The following EVI5 variants were observed in gnomAD, a reference collection of about 807,000 sequenced individuals.
EVI5 encodes ecotropic viral integration site 5 protein homolog.
In EVI5, 73 loss-of-function variants were observed where a neutral mutation model predicts 112.0. That is an observed-to-expected ratio of 0.65 (90% confidence interval 0.54 to 0.79). The LOEUF is 0.79. Among genes scored for constraint, EVI5 ranks in the 30% least tolerant of loss-of-function variants. The probability of loss-of-function intolerance (pLI) is 0.00; values close to 1 mark genes in which losing one functional copy is unlikely to be tolerated. For missense variants in EVI5, 900 were observed against 968.8 expected (o/e 0.93, Z 0.94); for synonymous variants, 305 against 319.9 (o/e 0.95, Z 0.50).
intron 19 of EVI5, among the ~76,000 whole-genome samples, chr1:92,554,111 A>T (rs1439471763): frequency 6.6e-6 from 1 of 152,234 alleles, no homozygotes; most frequent in Non-Finnish European, 1.5e-5. Context: ...CAGAATCTGA[A>T]TGTCAAGTTG....
intron 19 of EVI5, among the ~76,000 whole-genome samples, chr1:92,552,264 G>A (rs943432944): frequency 2.6e-5 from 4 of 151,956 alleles, no homozygotes; most frequent in African/African-American, 9.7e-5. Flanking sequence ...AAGACCCTAA[G>A]AAATATAAGG....
chr1:92,610,597 A>G (rs1245608039), intron 16 of EVI5, among the ~76,000 whole-genome samples: 2 of 152,206 alleles, frequency 1.3e-5, no homozygotes, highest in Non-Finnish European at 2.9e-5. Flanking sequence ...ACAAGTCACT[A>G]TCAAAAAAAA....
chr1:92,768,956 C>A (rs1331183698), intron 1 of EVI5, among the ~76,000 whole-genome samples: 1 of 152,120 alleles, frequency 6.6e-6, no homozygotes, highest in African/African-American at 2.4e-5. Flanking sequence ...CTCCCTTCCC[C>A]ATAGCTAAGC....
At position 92,707,626 on chromosome 1, in the gene EVI5, A is replaced by AATTC. The variant is rs746596350; in HGVS notation, c.150-2886_150-2883dup. On this transcript the variant is annotated intron_variant, in intron 2 of 19. Coordinates refer to ENST00000684568, the MANE Select transcript of EVI5 (RefSeq NM_001350197.2). Reference sequence around the variant, plus strand: ...ACTATATACATATTAGAATGGCTACAATTCTAAAGACTGACCATACCAAAT... The same window carrying AATTC: ...ACTATATACATATTAGAATGGCTACAATTCATTCTAAAGACTGACCATACCAAAT... Among the ~76,000 whole-genome samples, 3 of 152,338 alleles carry AATTC rather than the reference A, an allele frequency of 2.0e-5. No individual in the cohort carries two copies. In the South Asian group the frequency reaches 6.2e-4, roughly 32 times the overall value.
upstream of EVI5, among the ~76,000 whole-genome samples, chr1:92,789,447 C>T (rs374558669): frequency 1.4e-3 from 219 of 152,194 alleles, 3 homozygotes; most frequent in African/African-American, 5.0e-3. Context: ...GGACTACAGG[C>T]GCCTGCCACC....
intron 19 of EVI5, among the ~76,000 whole-genome samples, chr1:92,517,805 G>A (rs1275552335): frequency 5.3e-5 from 8 of 150,590 alleles, no homozygotes; most frequent in African/African-American, 2.0e-4. Context: ...GGTTTTGTTT[G>A]AAATCTCTTT....
At chr1:92,669,846 A>G (rs557778678) in intron 10 of EVI5, among the ~76,000 whole-genome samples, 6 of 152,320 alleles carry the variant, frequency 3.9e-5, no homozygotes, top group Admixed American at 6.5e-5. Flanking sequence ...TTTCTAGAAT[A>G]GAGTGCTTCC....
At chr1:92,551,040 C>CTTTTCTT (rs1666836932) in intron 19 of EVI5, among the ~76,000 whole-genome samples, 1 of 80,700 alleles carries the variant, frequency 1.2e-5, no homozygotes, top group African/African-American at 5.1e-5. Flanking sequence ...TTCTTTCTTT[C>CTTTTCTT]TTTTTTTTTT....
chr1:92,568,351 G>C (rs1332134613), intron 18 of EVI5, among the ~76,000 whole-genome samples: 1 of 142,340 alleles, frequency 7.0e-6, no homozygotes, highest in Non-Finnish European at 1.5e-5. Flanking sequence ...ACTCCAGCCT[G>C]GGAGACAGCA....
intron 15 of EVI5, 40 bp downstream of exon 15, chr1:92,625,754 T>C: frequency 6.3e-7 from 1 of 1,588,802 alleles, no homozygotes. Flanking sequence ...ATTTCGGTTT[T>C]ACTCTCTTTT....
At chr1:92,527,964 A>G (rs1334344623) in intron 19 of EVI5, among the ~76,000 whole-genome samples, 1 of 152,170 alleles carries the variant, frequency 6.6e-6, no homozygotes, top group Non-Finnish European at 1.5e-5. Context: ...ATATGTACTC[A>G]TTTCTCTAGA....
intron 1 of EVI5, among the ~76,000 whole-genome samples, chr1:92,768,706 C>G (rs1018240636): frequency 6.6e-6 from 1 of 152,130 alleles, no homozygotes; most frequent in Non-Finnish European, 1.5e-5. Flanking sequence ...GAAGCCCCAT[C>G]TCTACAAAAA....
intron 16 of EVI5, among the ~76,000 whole-genome samples, chr1:92,612,103 T>C (rs1027305158): frequency 6.6e-6 from 1 of 152,094 alleles, no homozygotes; most frequent in Non-Finnish European, 1.5e-5. Context: ...TCACAGGCCC[T>C]TCTAAATGTT....
intron 19 of EVI5, among the ~76,000 whole-genome samples, chr1:92,522,917 T>C (rs1661215977): frequency 1.3e-5 from 2 of 151,674 alleles, no homozygotes; most frequent in African/African-American, 4.9e-5. Context: ...TCCACCACAC[T>C]AACTAGTATT....
upstream of EVI5, among the ~76,000 whole-genome samples, chr1:92,789,905 C>T (rs1685961892): frequency 6.6e-6 from 1 of 152,186 alleles, no homozygotes; most frequent in Non-Finnish European, 1.5e-5. Flanking sequence ...CAATATTCCT[C>T]CCTCACCCTG....
chr1:92,642,137 A>C (rs893609915), intron 13 of EVI5, among the ~76,000 whole-genome samples: 3 of 152,152 alleles, frequency 2.0e-5, no homozygotes, highest in African/African-American at 7.2e-5. Flanking sequence ...TCCCAAAAAA[A>C]AAAAATTGTT....
intron 2 of EVI5, among the ~76,000 whole-genome samples, chr1:92,734,109 G>C (rs1243559882): frequency 6.6e-6 from 1 of 152,162 alleles, no homozygotes; most frequent in African/African-American, 2.4e-5. Flanking sequence ...ATAAATTGAT[G>C]TATATACATT....
chr1:92,755,114 A>G (rs1680751697), intron 1 of EVI5, among the ~76,000 whole-genome samples: 1 of 151,216 alleles, frequency 6.6e-6, no homozygotes, highest in Admixed American at 6.6e-5. Flanking sequence ...CATTATAAAA[A>G]ACTGATGCTT....
intron 19 of EVI5, among the ~76,000 whole-genome samples, chr1:92,531,236 G>C (rs188959370): frequency 6.4e-5 from 7 of 108,768 alleles, no homozygotes; most frequent in African/African-American, 2.1e-4. Flanking sequence ...CAAGATTAGA[G>C]AAAAGAGAGT....
Sources: gnomAD v4.1 joint callset for allele counts (sites outside exome capture counted in the v4.1 genomes callset) on GRCh38, gnomAD v4.1.1 for gene constraint, MANE v1.5 for transcripts, NCBI Gene and HGNC (gene_info 2026-07-23, HGNC 2026-07-21) for gene names.